Variants in EMILIN2 observed in about 807,000 individuals in gnomAD.
EMILIN2 encodes the protein EMILIN-2.
EMILIN2 carries 71 observed loss-of-function variants against 87.1 expected under a neutral mutation model. That is an observed-to-expected ratio of 0.82 (90% CI 0.67 to 0.99). The LOEUF is 0.99. Among genes scored for constraint, EMILIN2 ranks in the 50% least tolerant of loss-of-function variants. The pLI, the probability that EMILIN2 is intolerant of heterozygous loss-of-function variation, is 0.00. For synonymous variants in EMILIN2, 581 were observed against 563.4 expected, an observed-to-expected ratio of 1.03 and a Z score of -0.44; for missense variants, 1,407 against 1,371.8, an observed-to-expected ratio of 1.03 and a Z score of -0.40.
At chr18:2,862,638 A>AT (rs1161776143) in intron 2 of EMILIN2, among the ~76,000 whole-genome samples, 2 of 152,008 alleles carry the variant, frequency 1.3e-5, no homozygotes, top group Non-Finnish European at 2.9e-5. Flanking sequence ...TTTATTGACG[A>AT]TTTTTGCATC....
At chr18:2,864,013 G>A (rs1325652897) in intron 2 of EMILIN2, among the ~76,000 whole-genome samples, 1 of 152,124 alleles carries the variant, frequency 6.6e-6, no homozygotes, top group Non-Finnish European at 1.5e-5. Context: ...TTGGTTTAAA[G>A]TCTGTTTTAT....
intron 2 of EMILIN2, among the ~76,000 whole-genome samples, chr18:2,849,859 G>C (rs2076593775): frequency 6.6e-6 from 1 of 152,130 alleles, no homozygotes; most frequent in Non-Finnish European, 1.5e-5. Flanking sequence ...TTTAGGGATG[G>C]AACAGAATGG....
rs913664825 is a variant in EMILIN2, at chr18:2,906,833, C to G, written c.2410C>G (p.Pro804Ala). The G allele has an allele frequency of 1.1e-4, 153 of 1,338,136 alleles. No individual in the cohort carries two copies. The highest frequency in any genetic ancestry group is 1.4e-4 in the Non-Finnish European group (147 of 1,046,956). 82.9% of individuals were successfully genotyped at this position (1,338,136 alleles called of 1,614,324 possible). A position where few individuals can be genotyped will look rare whatever the true frequency, so the allele number is the denominator to read the frequency against. ...AGAGGCCCCGAAGGAGCCGCTGCAG[C>G]CCGAGCCCGCCCCGCCGAGGCCCAG... ...PAEAPKEPLQ[P>A]EPAPPRPSGP... The change falls in exon 5 of 8, where the codon CCC (proline) becomes GCC (alanine). Residue 804 changes from proline (P) to alanine (A), a missense_variant. Pro to Ala is a conservative substitution (Grantham distance 27, BLOSUM62 -1). Transcript: ENST00000254528.
At position 2,858,569 on chromosome 18, in the gene EMILIN2, ATGTGTGTGTG is replaced by A. The variant is rs1178571289; in HGVS notation, c.257+10644_257+10653del. On this transcript the variant is annotated intron_variant, in intron 2 of 7. Coordinates refer to ENST00000254528, the MANE Select transcript of EMILIN2 (RefSeq NM_032048.3). ...TATATATATATATATATATATATATATGTGTGTGTGTGTGTATATATATATATATATATGT... is the reference window on the plus strand; with the variant it reads ...TATATATATATATATATATATATATATGTGTATATATATATATATATATGT... Among the ~76,000 whole-genome samples, 115 of 55,374 alleles carry A rather than the reference ATGTGTGTGTG, an allele frequency of 2.1e-3. 10 individuals are homozygous for A. Among genetic ancestry groups the A allele is most frequent in the Non-Finnish European group, 3.1e-3 (101 of 33,056 alleles). 36.3% of individuals were successfully genotyped at this position (55,374 alleles called of 152,430 possible).
At position 2,891,516 on chromosome 18, in the gene EMILIN2, C is replaced by A; in HGVS notation, c.1389C>A (p.Asn463Lys). ...LDARINVTEK[N>K]AEEHCFYIEE... ...CAAGGATCAATGTGACGGAGAAGAA[C>A]GCTGAAGAACATTGCTTTTACATTG... The change falls in exon 4 of 8, where the codon AAC (asparagine) becomes AAA (lysine). Residue 463 changes from asparagine (N) to lysine (K), a missense_variant. Coordinates refer to ENST00000254528, the MANE Select transcript of EMILIN2 (RefSeq NM_032048.3). This position sits in a 1 kb window ranked among gnomAD's most constrained non-coding sequence, Gnocchi z 4.6. The A allele has an allele frequency of 6.2e-7, 1 of 1,614,160 alleles. No individual in the cohort carries two copies. Among genetic ancestry groups the A allele is most frequent in the Non-Finnish European group, 8.5e-7 (1 of 1,180,032 alleles).
intron 4 of EMILIN2, among the ~76,000 whole-genome samples, chr18:2,899,284 G>C (rs189278348): frequency 1.5e-4 from 23 of 152,162 alleles, no homozygotes; most frequent in African/African-American, 4.6e-4. Context: ...AAGAGGAGGT[G>C]GGGGGGAGGG....
At chr18:2,888,330 C>T (rs1266491830) in intron 3 of EMILIN2, among the ~76,000 whole-genome samples, 2 of 152,144 alleles carry the variant, frequency 1.3e-5, no homozygotes, top group Non-Finnish European at 2.9e-5. Flanking sequence ...CAATCTTCCC[C>T]CCTTTGCCGC....
At chr18:2,869,786 T>TGTTTGTG (rs1568461094) in intron 2 of EMILIN2, among the ~76,000 whole-genome samples, 23 of 59,158 alleles carry the variant, frequency 3.9e-4, no homozygotes, top group South Asian at 3.9e-3. Context: ...GTGTGTGTGT[T>TGTTTGTG]TGTGTGTGTG....
intron 2 of EMILIN2, among the ~76,000 whole-genome samples, chr18:2,874,515 T>C (rs2076737910): frequency 6.6e-6 from 1 of 152,112 alleles, no homozygotes; most frequent in African/African-American, 2.4e-5. Context: ...GTGCTGTCCA[T>C]CCCTCCAGGC....
rs375007223 is a variant in EMILIN2 at position 2,891,283 on chromosome 18, C to T, written c.1156C>T (p.Arg386Trp). The T allele has an allele frequency of 1.4e-5, 22 of 1,614,008 alleles. No homozygotes were observed. Among genetic ancestry groups the T allele is most frequent in the African/African-American group, 4.0e-5 (3 of 74,904 alleles). ...LRKEINNLRA[R>W]LQEPSAQANC... ...AAAAGAAATAAATAACCTCCGAGCC[C>T]GGCTACAGGAGCCTTCAGCCCAGGC... is the stretch of plus-strand genomic sequence containing the variant. The change falls in exon 4 of 8, where the codon CGG (arginine) becomes TGG (tryptophan). Residue 386 changes from arginine to tryptophan, a missense_variant. Coordinates refer to ENST00000254528, the MANE Select transcript of EMILIN2 (RefSeq NM_032048.3). This position sits in a 1 kb window ranked among gnomAD's most constrained non-coding sequence, Gnocchi z 4.6.
At chr18:2,850,827 G>T (rs2076598003) in intron 2 of EMILIN2, among the ~76,000 whole-genome samples, 1 of 152,080 alleles carries the variant, frequency 6.6e-6, no homozygotes, top group Admixed American at 6.5e-5. Context: ...GGAGGGGAAG[G>T]AAGAGGAAGA....
intron 2 of EMILIN2, among the ~76,000 whole-genome samples, chr18:2,849,336 T>A (rs1438300377): frequency 6.6e-6 from 1 of 152,272 alleles, no homozygotes; most frequent in Non-Finnish European, 1.5e-5. Flanking sequence ...ATACAAGAAC[T>A]GCATGGTGTG....
At position 2,894,982 on chromosome 18, in the gene EMILIN2, A is replaced by C. The variant is rs988187584; in HGVS notation, c.2359+2496A>C. Among the ~76,000 whole-genome samples the C allele has an allele frequency of 2.0e-5, 3 of 152,306 alleles. No homozygotes were observed. Among genetic ancestry groups the C allele is most frequent in the Non-Finnish European group, 2.9e-5 (2 of 68,026 alleles). On this transcript the variant is annotated intron_variant, in intron 4 of 7. Coordinates refer to ENST00000254528, the MANE Select transcript of EMILIN2 (RefSeq NM_032048.3). This position sits in a 1 kb window ranked among gnomAD's most constrained non-coding sequence, Gnocchi z 5.0. ...CTTATTCTAAAGCATTTGCAATCACAGTGGGAAAGAGACTCACAGGTCTGC... is the reference window on the plus strand; with the variant it reads ...CTTATTCTAAAGCATTTGCAATCACCGTGGGAAAGAGACTCACAGGTCTGC...
Position 2,910,474 on chromosome 18 carries a change from C to T in EMILIN2, c.2824+655C>T, listed in dbSNP as rs144165345. 2.2e-4 allele frequency among the ~76,000 whole-genome samples: 33 copies of T among 152,302 alleles called. No individual in the cohort carries two copies. The East Asian group carries it at 6.2e-3, about 29-fold the overall frequency. ...CCTGGGCTGGGCTGCTCTGCCCGGA[C>T]GGAGGGCAGCTCCAAGGAAACAGGG... On this transcript the variant is annotated intron_variant, in intron 7 of 7. Transcript: ENST00000254528.
intron 2 of EMILIN2, among the ~76,000 whole-genome samples, chr18:2,883,227 G>GATGTCAAAGGTCCCTCTC (rs57469307): frequency 6.6e-6 from 1 of 151,430 alleles, no homozygotes; most frequent in Non-Finnish European, 1.5e-5. Flanking sequence ...CCTCGGGGAG[G>GATGTCAAAGGTCCCTCTC]ATGTCAAAGG....
intron 2 of EMILIN2, among the ~76,000 whole-genome samples, chr18:2,860,225 A>T (rs59252976): frequency 0.086 from 13,007 of 151,964 alleles, 610 homozygotes; most frequent in South Asian, 0.21. Flanking sequence ...CCATTTGTTT[A>T]TGTCATCTAT....
At chr18:2,908,363 C>T (rs982472853) in intron 5 of EMILIN2, among the ~76,000 whole-genome samples, 3 of 152,202 alleles carry the variant, frequency 2.0e-5, no homozygotes, top group Non-Finnish European at 4.4e-5. Context: ...CATATGCATC[C>T]TCATATGCAG....
chr18:2,896,730 G>A (rs1389387879), intron 4 of EMILIN2, among the ~76,000 whole-genome samples: 6 of 151,980 alleles, frequency 3.9e-5, no homozygotes, highest in East Asian at 3.9e-4. Flanking sequence ...CCAGTGATTC[G>A]CCTGCCTCAG....
intron 3 of EMILIN2, among the ~76,000 whole-genome samples, chr18:2,889,387 C>T (rs751726312): frequency 2.6e-5 from 4 of 152,066 alleles, no homozygotes; most frequent in Non-Finnish European, 4.4e-5. Context: ...ATCCACCCAC[C>T]TCAGCCTTCC....
Sources: allele counts gnomAD v4.1 joint callset (sites outside exome capture counted in the v4.1 genomes callset), GRCh38; gene constraint gnomAD v4.1.1; non-coding constraint Gnocchi (gnomAD v3.1); transcripts MANE v1.5; gene names NCBI Gene and HGNC (gene_info 2026-07-23, HGNC 2026-07-21).